The following UPK1A variants were observed in gnomAD, a reference collection of about 807,000 sequenced individuals.
The protein encoded by UPK1A is uroplakin-1a.
UPK1A carries 31 observed loss-of-function variants against 32.3 expected under a neutral mutation model. The observed-to-expected ratio is 0.96, with a 90% CI of 0.72 to 1.30. The LOEUF (loss-of-function observed/expected upper bound fraction) is 1.30, where lower values mean the gene tolerates loss of function less well. UPK1A is among the 50% of genes most tolerant of loss of function. The pLI is 0.00. For missense variants in UPK1A, 340 were observed against 357.4 expected, an observed-to-expected ratio of 0.95 and a Z score of 0.39; for synonymous variants, 135 against 137.1, an observed-to-expected ratio of 0.98 and a Z score of 0.11.
Position 35,671,518 on chromosome 19 carries a change from T to C in UPK1A, c.286-1714T>C, listed in dbSNP as rs1421317938. The stretch of plus-strand genomic sequence containing the variant: ...AGTTGCCCAGGCTGGAGTGCAGTGG[T>C]GCGATCTCGGCTCACTGCAAGCTCC... On this transcript the variant is annotated intron_variant, in intron 3 of 7. Transcript: ENST00000617999. Among the ~76,000 whole-genome samples, 40 of 128,638 alleles carry C rather than the reference T, an allele frequency of 3.1e-4. No homozygotes were observed. The South Asian group carries it at 7.6e-3, about 24-fold the overall frequency. 84.4% of individuals were successfully genotyped at this position (128,638 alleles called of 152,430 possible). A position where few individuals can be genotyped will look rare whatever the true frequency, so the allele number is the denominator to read the frequency against.
exon 8 of UPK1A, chr19:35,677,980 G>C (rs773091285): frequency 6.2e-7 from 1 of 1,602,038 alleles, no homozygotes. Context: ...GCCAGCTCCC[G>C]GTCATGCTGA....
At chr19:35,669,944 A>G (rs1968061148) in intron 3 of UPK1A, among the ~76,000 whole-genome samples, 2 of 152,188 alleles carry the variant, frequency 1.3e-5, no homozygotes, top group Non-Finnish European at 2.9e-5. Context: ...GCTGAGCCCT[A>G]CGCTGGGCAC....
intron 3 of UPK1A, 30 bp downstream of exon 3, chr19:35,668,684 C>T (rs759986428): frequency 8.8e-6 from 14 of 1,587,062 alleles, no homozygotes; most frequent in Non-Finnish European, 1.2e-5. Flanking sequence ...GGGATGGGGA[C>T]ACTGAAAACG....
chr19:35,676,433 AC>A (rs749022284), intron 6 of UPK1A: 5 of 283,348 alleles, frequency 1.8e-5, no homozygotes, highest in Non-Finnish European at 2.8e-5. Context: ...CAAGTGATCC[AC>A]CCACCTCAGC....
At chr19:35,666,685 A>T in intron 1 of UPK1A, 124 bp from the exon 2 acceptor site, 1 of 939,326 alleles carries the variant, frequency 1.1e-6, no homozygotes, top group South Asian at 1.5e-5. Context: ...CTGTGGGTAC[A>T]TCAGTACCAG....
exon 2 of UPK1A, chr19:35,666,837 G>A (rs199645666): frequency 6.2e-7 from 1 of 1,614,162 alleles, no homozygotes. Context: ...AGCAGCGGAG[G>A]CCGAGAAGGG....
intron 5 of UPK1A, among the ~76,000 whole-genome samples, chr19:35,674,429 G>A (rs1968152288): frequency 1.3e-5 from 2 of 151,594 alleles, no homozygotes; most frequent in Admixed American, 6.6e-5. Flanking sequence ...TGTATTTTTA[G>A]TAGAGATGGG....
intron 7 of UPK1A, 24 bp from the exon 8 acceptor site, chr19:35,677,951 C>T (rs747120945): frequency 1.3e-6 from 2 of 1,588,822 alleles, no homozygotes; most frequent in Admixed American, 3.6e-5. Context: ...GCGGAGTGCC[C>T]TCATCTCGCT....
chr19:35,670,730 C>A (rs1376126609), intron 3 of UPK1A, among the ~76,000 whole-genome samples: 1 of 97,504 alleles, frequency 1.0e-5, no homozygotes, highest in East Asian at 3.6e-4. Context: ...TTCTTTGTTT[C>A]TCTAGACAGG....
In UPK1A at chr19:35,666,953, C is replaced by T. The variant is rs1414669315; in HGVS notation, c.84+57C>T. On this transcript the variant is annotated intron_variant, in intron 2 of 7. Coordinates refer to ENST00000617999, the Ensembl canonical transcript of UPK1A. ...GGTTGTGTGGTGGGGAGGGGACAGT[C>T]CTGAGCTCGGGGTGGGGGATGAGGG... The T allele has an allele frequency of 1.2e-5, 19 of 1,578,708 alleles. No homozygotes were observed. The African/African-American group carries it at 1.6e-4, about 13-fold the overall frequency.
intron 3 of UPK1A, among the ~76,000 whole-genome samples, chr19:35,672,483 G>A (rs1044639780): frequency 6.6e-6 from 1 of 152,152 alleles, no homozygotes; most frequent in African/African-American, 2.4e-5. Context: ...GGTCAGGCTG[G>A]TCTTGAACTC....
At chr19:35,675,374 C>T (rs74623106) in intron 5 of UPK1A, among the ~76,000 whole-genome samples, 1 of 152,020 alleles carries the variant, frequency 6.6e-6, no homozygotes, top group East Asian at 1.9e-4. Flanking sequence ...CGCCACCTCC[C>T]GGATTCAAGC....
chr19:35,668,501 C>G, exon 3 of UPK1A: 2 of 1,614,182 alleles, frequency 1.2e-6, no homozygotes, highest in Non-Finnish European at 1.7e-6. Flanking sequence ...TGACAGCCGA[C>G]CAGTACCGTG....
chr19:35,667,485 A>G (rs1599628192), intron 2 of UPK1A, among the ~76,000 whole-genome samples: 1 of 146,532 alleles, frequency 6.8e-6, no homozygotes, highest in African/African-American at 2.6e-5. Flanking sequence ...GGCGCACACC[A>G]CCACGCCCGG....
At chr19:35,672,162 G>A (rs1313812503) in intron 3 of UPK1A, among the ~76,000 whole-genome samples, 1 of 152,008 alleles carries the variant, frequency 6.6e-6, no homozygotes, top group Non-Finnish European at 1.5e-5. Context: ...TGCCCTCTGT[G>A]CCGTTGGCAC....
intron 3 of UPK1A, among the ~76,000 whole-genome samples, chr19:35,669,187 TTGAAAC>T (rs1232918208): frequency 6.6e-6 from 1 of 151,954 alleles, no homozygotes; most frequent in Non-Finnish European, 1.5e-5. Context: ...TTGATGAAGA[TTGAAAC>T]TGAGGCTCAG....
At position 35,673,434 on chromosome 19, in the gene UPK1A, T is replaced by C; in HGVS notation, c.361-4T>C. 6.2e-7 allele frequency: 1 copy of C among 1,613,654 alleles called. No individual in the cohort carries two copies. Among genetic ancestry groups the C allele is most frequent in the East Asian group, 2.2e-5 (1 of 44,870 alleles). On this transcript the variant is annotated splice_region_variant and splice_polypyrimidine_tract_variant and intron_variant, in intron 4 of 7. Coordinates refer to ENST00000617999, the Ensembl canonical transcript of UPK1A. ...CGGCCCTTGTTCTTCCCTGTTCTCC[T>C]CAGATGGTGTCCAACCCATCCCTGA...
chr19:35,670,533 C>CG, intron 3 of UPK1A, among the ~76,000 whole-genome samples: 1 of 78,132 alleles, frequency 1.3e-5, no homozygotes, highest in East Asian at 4.8e-4. Context: ...CCCCTCCCCT[C>CG]CCCTCCTTTC....
intron 3 of UPK1A, among the ~76,000 whole-genome samples, chr19:35,669,499 TAA>T (rs34854874): frequency 1.2e-4 from 14 of 116,276 alleles, no homozygotes; most frequent in Admixed American, 1.9e-4. Context: ...ATCCCATCTC[TAA>T]AAAAAAAAAA....
Sources: allele counts gnomAD v4.1 joint callset (sites outside exome capture counted in the v4.1 genomes callset), GRCh38; gene constraint gnomAD v4.1.1; transcripts MANE v1.5; gene names NCBI Gene and HGNC (gene_info 2026-07-23, HGNC 2026-07-21).